Variants in INSYN2B observed in about 807,000 individuals in gnomAD.
INSYN2B encodes protein INSYN2B.
Under a neutral mutation model 41.2 loss-of-function variants are expected in INSYN2B, and 16 were observed. The observed-to-expected ratio is 0.39, with a 90% CI of 0.26 to 0.59. The LOEUF (loss-of-function observed/expected upper bound fraction) is 0.59. Ranked by LOEUF, INSYN2B falls within the 20% of genes least tolerant of loss-of-function variation. INSYN2B has a pLI of 0.57. For synonymous variants in INSYN2B, 245 were observed against 244.4 expected (o/e 1.00, Z -0.02); for missense variants, 608 against 646.4 (o/e 0.94, Z 0.64).
At chr5:169,952,414 C>G (rs1028495050) in intron 1 of INSYN2B, among the ~76,000 whole-genome samples, 39 of 152,134 alleles carry the variant, frequency 2.6e-4, no homozygotes, top group African/African-American at 8.9e-4. Context: ...TTATGGCTCC[C>G]CTTTAAGTAA....
intron 1 of INSYN2B, among the ~76,000 whole-genome samples, chr5:169,929,814 A>C (rs1301929802): frequency 6.6e-6 from 1 of 151,410 alleles, no homozygotes; most frequent in Non-Finnish European, 1.5e-5. Context: ...TTGACCTAGC[A>C]CTTTCCTATA....
At chr5:169,870,918 A>ATACC (rs397691202) in intron 3 of INSYN2B, among the ~76,000 whole-genome samples, 1 of 151,996 alleles carries the variant, frequency 6.6e-6, no homozygotes, top group Non-Finnish European at 1.5e-5. Flanking sequence ...ACATACATAC[A>ATACC]CTTTATTTCT....
At chr5:169,970,420 G>A (rs1561858280) in intron 1 of INSYN2B, among the ~76,000 whole-genome samples, 1 of 152,228 alleles carries the variant, frequency 6.6e-6, no homozygotes. Context: ...ATAAGGCTGG[G>A]AAAGAACAAT....
intron 1 of INSYN2B, among the ~76,000 whole-genome samples, chr5:169,899,304 C>T (rs1453528763): frequency 6.6e-6 from 1 of 152,116 alleles, no homozygotes; most frequent in Non-Finnish European, 1.5e-5. Flanking sequence ...CCTCAGAGTG[C>T]CTGACTTCCT....
At chr5:169,942,430 C>A (rs1399813472) in intron 1 of INSYN2B, among the ~76,000 whole-genome samples, 2 of 152,184 alleles carry the variant, frequency 1.3e-5, no homozygotes, top group Non-Finnish European at 2.9e-5. Flanking sequence ...TGATTAGCAA[C>A]AGTTCATGCA....
chr5:169,904,470 TG>T (rs776373409), intron 1 of INSYN2B, among the ~76,000 whole-genome samples: 1 of 151,868 alleles, frequency 6.6e-6, no homozygotes, highest in Non-Finnish European at 1.5e-5. Flanking sequence ...TTCCCTTTAA[TG>T]GGGGTGGTGG....
intron 1 of INSYN2B, among the ~76,000 whole-genome samples, chr5:169,969,421 G>A (rs924173248): frequency 6.6e-6 from 1 of 152,240 alleles, no homozygotes; most frequent in Admixed American, 6.5e-5. Flanking sequence ...CTCCAGCCTG[G>A]GTGACAGAGT....
At chr5:169,967,105 C>A (rs1777329827) in intron 1 of INSYN2B, among the ~76,000 whole-genome samples, 1 of 152,198 alleles carries the variant, frequency 6.6e-6, no homozygotes, top group Non-Finnish European at 1.5e-5. Context: ...AAGTAGGACA[C>A]TGAGCCAGTC....
At chr5:169,867,972 C>G (rs908165680) in intron 3 of INSYN2B, among the ~76,000 whole-genome samples, 1 of 152,176 alleles carries the variant, frequency 6.6e-6, no homozygotes, top group Non-Finnish European at 1.5e-5. Flanking sequence ...AGATAGGGAA[C>G]ATCTATATTC....
At chr5:169,881,325 G>A in intron 3 of INSYN2B, 43 bp downstream of exon 3, 1 of 1,503,080 alleles carries the variant, frequency 6.7e-7, no homozygotes, top group South Asian at 1.2e-5. Flanking sequence ...CGGACCCTAT[G>A]GCTTTATGGT....
chr5:169,879,621 T>C (rs1472124402), intron 3 of INSYN2B, among the ~76,000 whole-genome samples: 1 of 152,258 alleles, frequency 6.6e-6, no homozygotes, highest in East Asian at 1.9e-4. Flanking sequence ...GAATGTTTGC[T>C]GGAGATGTTT....
rs185301668 is a variant in INSYN2B, at chr5:169,956,420, T to C, written c.-919+23857A>G. ...ATTCTTCCCTCCAGTCCCTCTCTCGTGGGTTGTATTAGAAAGATTACTGCA... is the reference window on the plus strand; with the variant it reads ...ATTCTTCCCTCCAGTCCCTCTCTCGCGGGTTGTATTAGAAAGATTACTGCA... On this transcript the variant is annotated intron_variant, in intron 1 of 3. Coordinates refer to ENST00000377365, the MANE Select transcript of INSYN2B (RefSeq NM_001129891.3). 4.4e-3 allele frequency among the ~76,000 whole-genome samples: 668 copies of C among 152,234 alleles called. 4 individuals carry two copies. The highest frequency in any genetic ancestry group is 0.011 in the South Asian group (55 of 4,824).
intron 1 of INSYN2B, among the ~76,000 whole-genome samples, chr5:169,978,430 T>G (rs1171782120): frequency 2.8e-5 from 4 of 144,296 alleles, no homozygotes; most frequent in Admixed American, 7.1e-5. Context: ...CATTAGAGGT[T>G]GTTAAATAGA....
chr5:169,888,396 C>T (rs1773096280), intron 1 of INSYN2B, among the ~76,000 whole-genome samples: 1 of 152,218 alleles, frequency 6.6e-6, no homozygotes, highest in Non-Finnish European at 1.5e-5. Flanking sequence ...TATTACTGAT[C>T]TTTGCAACAC....
rs951291121 is a variant in INSYN2B at position 169,861,786 on chromosome 5, A to G, written c.*2487T>C. On this transcript the variant is annotated 3_prime_UTR_variant, in exon 4 of 4. Coordinates refer to ENST00000377365, the MANE Select transcript of INSYN2B (RefSeq NM_001129891.3). Reference sequence around the variant, plus strand: ...CTATTTCCTCATAATGATTTTAAATATCAATTTTTCAGAAGAGAACTCCTT... The same window carrying G: ...CTATTTCCTCATAATGATTTTAAATGTCAATTTTTCAGAAGAGAACTCCTT... Among the ~76,000 whole-genome samples the G allele has an allele frequency of 1.3e-5, 2 of 152,204 alleles. No individual in the cohort carries two copies. The highest frequency in any genetic ancestry group is 2.4e-5 in the African/African-American group (1 of 41,450).
intron 1 of INSYN2B, among the ~76,000 whole-genome samples, chr5:169,928,772 A>G (rs1163168146): frequency 6.6e-6 from 1 of 152,246 alleles, no homozygotes; most frequent in Non-Finnish European, 1.5e-5. Context: ...GGAAGAAAAT[A>G]GCAACCACAG....
chr5:169,941,292 C>G (rs1173228810), intron 1 of INSYN2B, among the ~76,000 whole-genome samples: 1 of 152,192 alleles, frequency 6.6e-6, no homozygotes, highest in Non-Finnish European at 1.5e-5. Flanking sequence ...ACTACAACCT[C>G]TGCCTCCTGG....
At chr5:169,941,832 A>AC (rs1776257612) in intron 1 of INSYN2B, among the ~76,000 whole-genome samples, 1 of 152,038 alleles carries the variant, frequency 6.6e-6, no homozygotes, top group Non-Finnish European at 1.5e-5. Flanking sequence ...CCAGAATAGA[A>AC]CCCCACTTCC....
chr5:169,883,757 G>A lies in INSYN2B; in HGVS notation c.142C>T (p.Pro48Ser), dbSNP rs1441111412. ...RFKEDGTTKN[P>S]TGLAEVDVQT... is the part of the protein sequence containing the mutation. ...ACGTCAACCTCAGCTAGGCCAGTTG[G>A]ATTCTTAGTGGTCCCATCTTCCTTG... The change falls in exon 2 of 4, where the codon CCA becomes TCA. Residue 48 changes from proline to serine, a missense_variant. Transcript: ENST00000377365. The A allele has an allele frequency of 6.4e-7, 1 of 1,551,504 alleles. No individual in the cohort carries two copies. Among genetic ancestry groups the A allele is most frequent in the Non-Finnish European group, 8.7e-7 (1 of 1,146,960 alleles).
Sources: allele counts gnomAD v4.1 joint callset (sites outside exome capture counted in the v4.1 genomes callset), GRCh38; gene constraint gnomAD v4.1.1; transcripts MANE v1.5; gene names NCBI Gene and HGNC (gene_info 2026-07-23, HGNC 2026-07-21).